CCT2: variants seen among roughly 807,000 people sequenced by gnomAD.
The protein encoded by CCT2 is chaperonin containing TCP1 subunit 2.
CCT2 carries 18 observed loss-of-function variants against 61.8 expected under a neutral mutation model. The observed-to-expected ratio is 0.29, with a 90% confidence interval of 0.20 to 0.43. The LOEUF is 0.43. CCT2 is among the 20% of genes least tolerant of loss of function. CCT2 has a pLI of 1.00. For synonymous variants in CCT2, 248 were observed against 215.9 expected, an observed-to-expected ratio of 1.15 and a Z score of -1.30; for missense variants, 556 against 656.9, an observed-to-expected ratio of 0.85 and a Z score of 1.68.
intron 10 of CCT2, 124 bp from the exon 11 acceptor site, chr12:69,597,032 A>T: frequency 1.3e-6 from 1 of 758,854 alleles, no homozygotes; most frequent in Non-Finnish European, 2.1e-6. Context: ...CCAGGAATAT[A>T]ATCAGCAATC....
Position 69,598,064 on chromosome 12 carries a change from T to C in CCT2, c.1328T>C (p.Leu443Pro). 6.2e-7 allele frequency: 1 copy of C among 1,606,604 alleles called. No individual in the cohort carries two copies. Among genetic ancestry groups the C allele is most frequent in the Non-Finnish European group, 8.5e-7 (1 of 1,173,624 alleles). Residue 443 changes from leucine to proline, a missense_variant, in exon 13 of 16, where the codon CTG (leucine) becomes CCG (proline). Physicochemically the swap from Leu to Pro is moderately conservative, Grantham distance 98. Transcript: ENST00000299300. ...GCAATGGAGTCTTATGCTAAAGCAC[T>C]GAGAATGGTAAGTTAATCAAAATGA... ...AVAMESYAKA[L>P]RMLPTIIADN...
At chr12:69,597,104 C>T (rs1882014411) in intron 10 of CCT2, 52 bp from the exon 11 acceptor site, 1 of 1,576,824 alleles carries the variant, frequency 6.3e-7, no homozygotes, top group Non-Finnish European at 8.7e-7. Context: ...TATTAGAAAA[C>T]AGGAATTTTA....
rs1882100157 is a variant in CCT2, at chr12:69,599,895, A to G, written c.1468A>G (p.Ile490Val). The change falls in exon 15 of 16, where the codon ATC becomes GTC. Residue 490 changes from isoleucine to valine, a missense_variant. Around this residue, in one of 3 missense-constraint regions of CCT2, gnomAD observed 225 missense variants for 249.8 expected, o/e 0.90. Transcript: ENST00000299300. ...MREGTIGDMA[I>V]LGITESFQVK... is the part of the protein sequence containing the mutation. ...GGAAGGCACCATTGGAGATATGGCT[A>G]TCCTGGGTATAACAGAAAGTTTTCA... 1 of 1,613,810 alleles carries G rather than the reference A, an allele frequency of 6.2e-7. No individual in the cohort carries two copies. The highest frequency in any genetic ancestry group is 1.1e-5 in the South Asian group (1 of 91,048).
intron 3 of CCT2, 178 bp downstream of exon 3, chr12:69,586,996 C>T: frequency 2.1e-6 from 1 of 485,154 alleles, no homozygotes; most frequent in Non-Finnish European, 3.6e-6. Flanking sequence ...TCCCATGCCC[C>T]TCCCCAATGA....
intron 6 of CCT2, among the ~76,000 whole-genome samples, chr12:69,588,860 T>C (rs551482379): frequency 1.4e-4 from 22 of 152,236 alleles, no homozygotes; most frequent in Non-Finnish European, 2.6e-4. Context: ...GACCACTGTT[T>C]TAAGGCACTT....
chr12:69,585,810 G>T, intron 1 of CCT2: 1 of 1,360,194 alleles, frequency 7.4e-7, no homozygotes, highest in South Asian at 1.7e-5. Flanking sequence ...GAAATTTCTA[G>T]TGTGGGACCC....
chr12:69,594,707 C>T (rs1593099492), intron 10 of CCT2, among the ~76,000 whole-genome samples: 2 of 151,944 alleles, frequency 1.3e-5, no homozygotes, highest in Admixed American at 6.6e-5. Flanking sequence ...ATTAGCTGGG[C>T]GTGGTGGCAC....
intron 7 of CCT2, 96 bp downstream of exon 7, chr12:69,589,783 C>G: frequency 1.0e-6 from 1 of 974,722 alleles, no homozygotes; most frequent in South Asian, 1.5e-5. Context: ...CTTTACAAAG[C>G]CAGTGAACTT....
chr12:69,596,385 G>T (rs965777366), intron 10 of CCT2, among the ~76,000 whole-genome samples: 7 of 152,196 alleles, frequency 4.6e-5, no homozygotes, highest in African/African-American at 1.7e-4. Context: ...ATTATGAAAG[G>T]AGTAGTCAGC....
rs749889791 is a variant in CCT2 at position 69,597,280 on chromosome 12, GTGAT to G, written c.1102+7_1102+10del. On this transcript the variant is annotated splice_donor_region_variant and intron_variant, in intron 11 of 15. Coordinates refer to ENST00000299300, the MANE Select transcript of CCT2 (RefSeq NM_006431.3). ...ACTTTTCTGGGGTTGCCCTTGGTGA[GTGAT>G]TATGTAGATCCTGGTTAGGGTGTCT... 1 of 1,613,756 alleles carries G rather than the reference GTGAT, an allele frequency of 6.2e-7. No homozygotes were observed. Among genetic ancestry groups the G allele is most frequent in the Non-Finnish European group, 8.5e-7 (1 of 1,179,774 alleles).
rs770121376 is a variant in CCT2 at position 69,587,977 on chromosome 12, G to A, written c.304G>A (p.Val102Ile). 5 of 1,613,770 alleles carry A rather than the reference G, an allele frequency of 3.1e-6. No individual in the cohort carries two copies. In the South Asian group the frequency reaches 5.5e-5, roughly 18 times the overall value. ...DDEVGDGTTS[V>I]TVLAAELLRE... ...TGAAGTTGGTGATGGCACTACCTCT[G>A]TTACCGTTTTAGCAGCAGAATTATT... The change falls in exon 5 of 16, where the codon GTT (valine) becomes ATT (isoleucine). Residue 102 changes from valine to isoleucine, a missense_variant. Physicochemically the swap from Val to Ile is conservative, Grantham distance 29. This residue lies in a region of CCT2 where 308 missense variants were observed against 350.6 expected (regional missense o/e 0.88). Coordinates refer to ENST00000299300, the MANE Select transcript of CCT2 (RefSeq NM_006431.3).
intron 6 of CCT2, 55 bp downstream of exon 6, chr12:69,588,317 C>T (rs1881727473): frequency 3.2e-6 from 4 of 1,253,996 alleles, no homozygotes; most frequent in East Asian, 4.6e-5. Flanking sequence ...TCATAACATG[C>T]TTAATGCAAG....
At position 69,598,156 on chromosome 12, in the gene CCT2, A is replaced by C. The variant is rs777604373; in HGVS notation, c.1335+85A>C. ...ATGAGTAGAAAATGAACTGGTTAAT[A>C]CTGCTTTTAAATTTGATTCTGGAGT... On this transcript the variant is annotated intron_variant, in intron 13 of 15. Coordinates refer to ENST00000299300, the MANE Select transcript of CCT2 (RefSeq NM_006431.3). 60 of 1,081,736 alleles carry C rather than the reference A, an allele frequency of 5.5e-5. No individual in the cohort carries two copies. The African/African-American group carries it at 7.6e-4, about 14-fold the overall frequency. The allele number at this position is 1,081,736 out of a possible 1,614,324, so 67.0% of individuals were successfully genotyped here. A position where few individuals can be genotyped will look rare whatever the true frequency, so the allele number is the denominator to read the frequency against.
intron 4 of CCT2, 105 bp downstream of exon 4, chr12:69,587,721 T>G: frequency 1.3e-6 from 1 of 753,484 alleles, no homozygotes; most frequent in Non-Finnish European, 2.3e-6. Context: ...TGTCAATTGA[T>G]GTCCACTAGT....
At position 69,593,007 on chromosome 12, in the gene CCT2, C is replaced by A. The variant is rs934267533; in HGVS notation, c.782C>A (p.Thr261Lys). 7.4e-6 allele frequency: 12 copies of A among 1,613,278 alleles called. No individual in the cohort carries two copies. In the South Asian group the frequency reaches 1.3e-4, roughly 18 times the overall value. ...GGTTCCCGGGTAAGAGTTGACTCTA[C>A]AGCAAAGGTTGCAGAAATAGAACAT... Reference protein sequence around the residue: ...IFGSRVRVDSTAKVAEIEHAE... With the variant: ...IFGSRVRVDSKAKVAEIEHAE... The change falls in exon 9 of 16, where the codon ACA becomes AAA. Residue 261 changes from threonine (T) to lysine (K), a missense_variant. Thr to Lys is a moderately conservative substitution (Grantham distance 78). Transcript: ENST00000299300.
rs1371434084 is a variant in CCT2 at position 69,597,623 on chromosome 12, G to A, written c.1103-15G>A. ...CTTTTTATCCCTAAGTGGTCACTGTGTCTTTTAATTTTAGGTGAGGCTTGT... is the reference window on the plus strand; with the variant it reads ...CTTTTTATCCCTAAGTGGTCACTGTATCTTTTAATTTTAGGTGAGGCTTGT... On this transcript the variant is annotated splice_polypyrimidine_tract_variant and intron_variant, in intron 11 of 15. Coordinates refer to ENST00000299300, the MANE Select transcript of CCT2 (RefSeq NM_006431.3). The A allele has an allele frequency of 6.2e-7, 1 of 1,609,390 alleles. No homozygotes were observed. The highest frequency in any genetic ancestry group is 8.5e-7 in the Non-Finnish European group (1 of 1,178,690).
chr12:69,592,208 G>A (rs1881855540), intron 8 of CCT2, 49 bp downstream of exon 8: 1 of 1,056,378 alleles, frequency 9.5e-7, no homozygotes, highest in African/African-American at 1.6e-5. Context: ...CAGGCAGAGT[G>A]GCTCATGCCT....
At position 69,585,532 on chromosome 12, in the gene CCT2, T is replaced by C; in HGVS notation, c.3+8T>C. 6.4e-7 allele frequency: 1 copy of C among 1,570,666 alleles called. No individual in the cohort carries two copies. Among genetic ancestry groups the C allele is most frequent in the South Asian group, 1.2e-5 (1 of 85,510 alleles). On this transcript the variant is annotated splice_region_variant and intron_variant, in intron 1 of 15. Transcript: ENST00000299300. ...GAACTCCTCGGAACCATGGTGAGCC[T>C]GACTCCCCTGCCTCTTGCCCTACCC...
chr12:69,598,079 A>C lies in CCT2; in HGVS notation c.1335+8A>C, dbSNP rs143794583. On this transcript the variant is annotated splice_region_variant and intron_variant, in intron 13 of 15. Coordinates refer to ENST00000299300, the MANE Select transcript of CCT2 (RefSeq NM_006431.3). ...GCTAAAGCACTGAGAATGGTAAGTT[A>C]ATCAAAATGAGAGATCCGAACTTAA... is the stretch of plus-strand genomic sequence containing the variant. The C allele has an allele frequency of 1.1e-5, 18 of 1,584,250 alleles. No individual in the cohort carries two copies. In the African/African-American group the frequency reaches 2.2e-4, roughly 19 times the overall value.
Sources: gnomAD v4.1 joint callset for allele counts (sites outside exome capture counted in the v4.1 genomes callset) on GRCh38, gnomAD v4.1.1 for gene constraint, gnomAD v4.1.1 regional missense constraint, MANE v1.5 for transcripts, NCBI Gene and HGNC (gene_info 2026-07-23, HGNC 2026-07-21) for gene names.